Variants in BCR observed in about 807,000 individuals in gnomAD.
The protein encoded by BCR is BCR activator of RhoGEF and GTPase.
In BCR, 58 loss-of-function variants were observed where a neutral mutation model predicts 138.6. That is an observed-to-expected ratio of 0.42 (90% CI 0.34 to 0.52). The LOEUF (loss-of-function observed/expected upper bound fraction) is 0.52, where lower values mean the gene tolerates loss of function less well. Among genes scored for constraint, BCR ranks in the 20% least tolerant of loss-of-function variants. The pLI is 0.06. For missense variants in BCR, 1,599 were observed against 1,727.2 expected, an observed-to-expected ratio of 0.93 and a Z score of 1.32; for synonymous variants, 786 against 730.1, an observed-to-expected ratio of 1.08 and a Z score of -1.23.
At chr22:23,217,027 G>T (rs1219678257) in intron 1 of BCR, 1 of 452,098 alleles carries the variant, frequency 2.2e-6, no homozygotes, top group East Asian at 7.1e-5. Flanking sequence ...AGGAGCAGCA[G>T]TGTCATGTGG....
At chr22:23,206,689 A>G (rs774133138) in intron 1 of BCR, among the ~76,000 whole-genome samples, 7 of 152,208 alleles carry the variant, frequency 4.6e-5, no homozygotes, top group Non-Finnish European at 8.8e-5. Flanking sequence ...TCAAGCCCCA[A>G]GATGAGCAAA....
rs199572694 is a variant in BCR at position 23,192,887 on chromosome 22, CA to C, written c.1279+10649del. ...GGCTGTGTGTGCACAGGGCCAGGTG[CA>C]GGGCCCAGAGAGCCAGGTGAGTGAC... On this transcript the variant is annotated intron_variant, in intron 1 of 22. Transcript: ENST00000305877. Among the ~76,000 whole-genome samples the C allele has an allele frequency of 7.2e-4, 109 of 152,210 alleles. No homozygotes were observed. The East Asian group carries it at 9.3e-3, about 13-fold the overall frequency.
Position 23,203,705 on chromosome 22 carries a change from A to G in BCR, c.1279+21466A>G, listed in dbSNP as rs141002785. Reference sequence around the variant, plus strand: ...GTGGTTCTTGGTAGGGAAAGAACTTACTGTCCCCTTGTCTGTTGTGAAGTT... The same window carrying G: ...GTGGTTCTTGGTAGGGAAAGAACTTGCTGTCCCCTTGTCTGTTGTGAAGTT... On this transcript the variant is annotated intron_variant, in intron 1 of 22. Coordinates refer to ENST00000305877, the MANE Select transcript of BCR (RefSeq NM_004327.4). Among the ~76,000 whole-genome samples, 297 of 152,188 alleles carry G rather than the reference A, an allele frequency of 2.0e-3. 2 individuals carry two copies. Among genetic ancestry groups the G allele is most frequent in the African/African-American group, 5.5e-3 (230 of 41,514 alleles).
rs1208779668 is a variant in BCR at position 23,181,527 on chromosome 22, G to A, written c.567G>A (p.Val189=). 2 of 1,612,908 alleles carry A rather than the reference G, an allele frequency of 1.2e-6. No individual in the cohort carries two copies. The highest frequency in any genetic ancestry group is 1.7e-6 in the Non-Finnish European group (2 of 1,179,910). ...NVEFHHERGL[V]KVNDKEVSDR... ...AGTTTCACCACGAGCGCGGCCTGGT[G>A]AAGGTCAACGACAAAGAGGTGTCGG... is the stretch of plus-strand genomic sequence containing the variant. The change falls in exon 1 of 23, where the codon GTG becomes GTA. Residue 189 remains valine, a synonymous_variant. Transcript: ENST00000305877.
chr22:23,186,958 A>C (rs566634081), intron 1 of BCR, among the ~76,000 whole-genome samples: 187 of 152,034 alleles, frequency 1.2e-3, no homozygotes, highest in African/African-American at 4.4e-3. Flanking sequence ...CTGGTCTGGA[A>C]CTCCTGACCT....
intron 1 of BCR, among the ~76,000 whole-genome samples, chr22:23,220,355 G>A (rs1351824859): frequency 1.3e-5 from 2 of 152,222 alleles, no homozygotes; most frequent in Non-Finnish European, 2.9e-5. Context: ...GGAGAAGCCA[G>A]AGCCAGGTGT....
chr22:23,268,359 G>C (rs774025603), intron 4 of BCR, 49 bp from the exon 5 acceptor site: 5 of 1,451,630 alleles, frequency 3.4e-6, no homozygotes, highest in East Asian at 4.8e-5. Flanking sequence ...TCAGAAAGAT[G>C]GGGGAGCAGC....
chr22:23,275,393 C>T (rs933435036), intron 8 of BCR, among the ~76,000 whole-genome samples: 3 of 152,224 alleles, frequency 2.0e-5, no homozygotes, highest in African/African-American at 7.2e-5. Flanking sequence ...CCCACCTCAT[C>T]GGGCACCTGG....
intron 1 of BCR, among the ~76,000 whole-genome samples, chr22:23,202,408 T>C (rs1167030788): frequency 6.6e-6 from 1 of 152,060 alleles, no homozygotes; most frequent in African/African-American, 2.4e-5. Context: ...AGCTAAATGG[T>C]GTTAAGTATA....
At chr22:23,266,141 G>C (rs2073438271) in intron 4 of BCR, among the ~76,000 whole-genome samples, 1 of 151,908 alleles carries the variant, frequency 6.6e-6, no homozygotes. Flanking sequence ...CTGGAGTACA[G>C]TGGTGCAGTC....
chr22:23,290,721 TG>T lies in BCR; in HGVS notation c.2782+309del. 2.4e-5 allele frequency: 9 copies of T among 376,938 alleles called. No homozygotes were observed. The South Asian group carries it at 2.5e-4, about 10-fold the overall frequency. 23.3% of individuals were successfully genotyped at this position (376,938 alleles called of 1,614,324 possible). ...GGACTTTGACAGACATCCCCAGGGG[TG>T]CCCGGGAGTGTGGGGTCCAAGCCAG... On this transcript the variant is annotated intron_variant, in intron 14 of 22. Transcript: ENST00000305877.
chr22:23,302,439 C>T (rs1319302241), intron 16 of BCR: 2 of 152,368 alleles, frequency 1.3e-5, no homozygotes, highest in African/African-American at 4.8e-5. Context: ...AACTGCCTCA[C>T]CTCACGGGAG....
chr22:23,247,765 T>TC (rs1348261378), intron 1 of BCR, among the ~76,000 whole-genome samples: 1 of 152,200 alleles, frequency 6.6e-6, no homozygotes, highest in Non-Finnish European at 1.5e-5. Context: ...ACCTTCTGTC[T>TC]CTATGAATCT....
At chr22:23,287,983 TG>T in intron 11 of BCR, 113 bp from the exon 12 acceptor site, 1 of 1,021,684 alleles carries the variant, frequency 9.8e-7, no homozygotes, top group Non-Finnish European at 1.5e-6. Context: ...ACCTGGCCAC[TG>T]GGCTCCAGCC....
chr22:23,184,450 T>C (rs1483317320), intron 1 of BCR, among the ~76,000 whole-genome samples: 1 of 152,154 alleles, frequency 6.6e-6, no homozygotes, highest in Non-Finnish European at 1.5e-5. Context: ...TTATTTTCCC[T>C]CAGACAGTTT....
chr22:23,315,505 T>C lies in BCR; in HGVS notation c.3799T>C (p.Phe1267Leu), dbSNP rs1267778945. 1 of 1,612,394 alleles carries C rather than the reference T, an allele frequency of 6.2e-7. No individual in the cohort carries two copies. The highest frequency in any genetic ancestry group is 8.5e-7 in the Non-Finnish European group (1 of 1,179,964). The change falls in exon 23 of 23, where the codon TTC becomes CTC. Residue 1267 changes from phenylalanine (F) to leucine (L), a missense_variant. This residue lies in a region of BCR where 177 missense variants were observed against 226.4 expected (regional missense o/e 0.78). Transcript: ENST00000305877. ...GGACAGCAAGAGACAGAGCATCCTG[T>C]TCTCCACCGAAGTCTAAAGGTCCCA... is the stretch of plus-strand genomic sequence containing the variant. Reference protein sequence around the residue: ...APDSKRQSILFSTEV With the variant: ...APDSKRQSILLSTEV
intron 8 of BCR, among the ~76,000 whole-genome samples, chr22:23,276,613 C>T (rs1226639762): frequency 6.6e-6 from 1 of 152,208 alleles, no homozygotes; most frequent in African/African-American, 2.4e-5. Context: ...AGCTTTCTAT[C>T]CGAGGCACGT....
At chr22:23,199,286 T>C (rs750929072) in intron 1 of BCR, 1 of 518,878 alleles carries the variant, frequency 1.9e-6, no homozygotes, top group Non-Finnish European at 3.8e-6. Flanking sequence ...TAGAAAGGAA[T>C]GTCTGAGGAA....
At chr22:23,246,601 A>G (rs2077291253) in intron 1 of BCR, among the ~76,000 whole-genome samples, 1 of 152,206 alleles carries the variant, frequency 6.6e-6, no homozygotes, top group Admixed American at 6.5e-5. Context: ...CAGGTCACAC[A>G]GGTGCAGCTG....
Sources: gnomAD v4.1 joint callset for allele counts (sites outside exome capture counted in the v4.1 genomes callset) on GRCh38, gnomAD v4.1.1 for gene constraint, gnomAD v4.1.1 regional missense constraint, MANE v1.5 for transcripts, NCBI Gene and HGNC (gene_info 2026-07-23, HGNC 2026-07-21) for gene names.